The following ZNF662 variants were observed in gnomAD, a reference collection of about 807,000 sequenced individuals.
ZNF662 encodes zinc finger protein 662.
In ZNF662, 14 loss-of-function variants were observed where a neutral mutation model predicts 12.4. The ratio of observed to expected loss-of-function variants is 1.13; its 90% CI spans 0.75 to 1.77. The LOEUF (loss-of-function observed/expected upper bound fraction) is 1.77, where lower values mean the gene tolerates loss of function less well. Among genes scored for constraint, ZNF662 ranks in the 40% most tolerant of loss-of-function variants. The pLI, the probability that ZNF662 is intolerant of heterozygous loss-of-function variation, is 0.00. For synonymous variants in ZNF662, 184 were observed against 176.4 expected (o/e 1.04, Z -0.34); for missense variants, 550 against 515.6 (o/e 1.07, Z -0.65).
rs1474363688 is a variant in ZNF662 at position 42,906,654 on chromosome 3, A to G, written c.-94+486A>G. 6.6e-6 allele frequency among the ~76,000 whole-genome samples: 1 copy of G among 152,190 alleles called. No individual in the cohort carries two copies. The highest frequency in any genetic ancestry group is 1.9e-4 in the East Asian group (1 of 5,192). ...GGGGTTGAGCCGACTGCTGGGGCAG[A>G]GCGCACAGAGTGCTGTCGGGGGCGA... On this transcript the variant is annotated intron_variant, in intron 1 of 4. Coordinates refer to ENST00000440367, the MANE Select transcript of ZNF662 (RefSeq NM_207404.4). This position sits in a 1 kb window ranked among gnomAD's most constrained non-coding sequence, Gnocchi z 4.4.
Position 42,913,281 on chromosome 3 carries a change from G to A in ZNF662, c.232G>A (p.Gly78Ser), listed in dbSNP as rs747441403. The A allele has an allele frequency of 1.7e-5, 27 of 1,613,746 alleles. No individual in the cohort carries two copies. In the South Asian group the frequency reaches 3.0e-4, roughly 18 times the overall value. ...ATTAAACCTGAAACTGCAAGGAGAG[G>A]GTCCAAGCCTGATTTGTCCGGGTAA... ...EPLNLKLQGE[G>S]PSLICPEGVL... is the part of the protein sequence containing the mutation. The change falls in exon 4 of 5, where the codon GGT (glycine) becomes AGT (serine). Residue 78 changes from glycine to serine, a missense_variant. Transcript: ENST00000440367.
chr3:42,912,747 A>ATATTTTTTATATATATAAATATATATATT (rs2088844604), intron 3 of ZNF662, among the ~76,000 whole-genome samples: 1 of 117,896 alleles, frequency 8.5e-6, no homozygotes, highest in African/African-American at 3.3e-5. Context: ...ATATATATAT[A>ATATTTTTTATATATATAAATATATATATT]TATATTTTTT....
rs939598853 is a variant in ZNF662, at chr3:42,906,269, A to G, written c.-94+101A>G. 1.5e-6 allele frequency: 2 copies of G among 1,314,586 alleles called. No homozygotes were observed. Among genetic ancestry groups the G allele is most frequent in the Non-Finnish European group, 2.1e-6 (2 of 970,956 alleles). 81.4% of individuals were successfully genotyped at this position (1,314,586 alleles called of 1,614,324 possible). ...CAGGGTAGCCGTGTCAGGCCTGCCC[A>G]GGTGCAGAGCGCTCTTCCGCGACCC... On this transcript the variant is annotated intron_variant, in intron 1 of 4. Transcript: ENST00000440367. The surrounding 1 kb of genome is among the most constrained non-coding windows in gnomAD (Gnocchi z 4.4).
At position 42,906,392 on chromosome 3, in the gene ZNF662, T is replaced by C; in HGVS notation, c.-94+224T>C. The C allele has an allele frequency of 1.3e-6, 2 of 1,520,654 alleles. No homozygotes were observed. The highest frequency in any genetic ancestry group is 1.8e-6 in the Non-Finnish European group (2 of 1,138,992). 94.2% of individuals were successfully genotyped at this position (1,520,654 alleles called of 1,614,324 possible). The stretch of plus-strand genomic sequence containing the variant: ...CTGGCGAGCGGGACACGCCTCGGCC[T>C]TGTCCTCGAGCTGCTCCCGGGACAG... On this transcript the variant is annotated intron_variant, in intron 1 of 4. Coordinates refer to ENST00000440367, the MANE Select transcript of ZNF662 (RefSeq NM_207404.4). The surrounding 1 kb of genome is among the most constrained non-coding windows in gnomAD (Gnocchi z 4.4).
intron 3 of ZNF662, among the ~76,000 whole-genome samples, chr3:42,909,484 C>A (rs1377088299): frequency 6.6e-6 from 1 of 152,202 alleles, no homozygotes; most frequent in Admixed American, 6.5e-5. Flanking sequence ...GACACAGTAA[C>A]AATCTGATCT....
At position 42,906,660 on chromosome 3, in the gene ZNF662, C is replaced by G. The variant is rs2088684117; in HGVS notation, c.-94+492C>G. On this transcript the variant is annotated intron_variant, in intron 1 of 4. Transcript: ENST00000440367. This position sits in a 1 kb window ranked among gnomAD's most constrained non-coding sequence, Gnocchi z 4.4. ...GAGCCGACTGCTGGGGCAGAGCGCA[C>G]AGAGTGCTGTCGGGGGCGATGAATG... Among the ~76,000 whole-genome samples the G allele has an allele frequency of 6.6e-6, 1 of 151,822 alleles. No individual in the cohort carries two copies. Among genetic ancestry groups the G allele is most frequent in the African/African-American group, 2.4e-5 (1 of 41,422 alleles).
rs1372494701 is a variant in ZNF662 at position 42,906,321 on chromosome 3, G to A, written c.-94+153G>A. ...AACAGCCTCTGGTCCGGTCTGGCGC[G>A]CCCTCGCTTTCCCAGAGGGCGACCT... is the stretch of plus-strand genomic sequence containing the variant. On this transcript the variant is annotated intron_variant, in intron 1 of 4. Coordinates refer to ENST00000440367, the MANE Select transcript of ZNF662 (RefSeq NM_207404.4). This position sits in a 1 kb window ranked among gnomAD's most constrained non-coding sequence, Gnocchi z 4.4. The A allele has an allele frequency of 1.3e-6, 2 of 1,525,640 alleles. No individual in the cohort carries two copies. The highest frequency in any genetic ancestry group is 8.8e-7 in the Non-Finnish European group (1 of 1,140,904). 94.5% of individuals were successfully genotyped at this position (1,525,640 alleles called of 1,614,324 possible). A position where few individuals can be genotyped will look rare whatever the true frequency, so the allele number is the denominator to read the frequency against.
Position 42,906,967 on chromosome 3 carries a change from CTA to C in ZNF662, c.-94+801_-94+802del, listed in dbSNP as rs2088691877. 6.6e-6 allele frequency among the ~76,000 whole-genome samples: 1 copy of C among 152,108 alleles called. No individual in the cohort carries two copies. Among genetic ancestry groups the C allele is most frequent in the Non-Finnish European group, 1.5e-5 (1 of 68,018 alleles). On this transcript the variant is annotated intron_variant, in intron 1 of 4. Transcript: ENST00000440367. The surrounding 1 kb of genome is among the most constrained non-coding windows in gnomAD (Gnocchi z 4.4). ...TCTGTAGTGCAGAGGAATGTGGACT[CTA>C]TTAGGCAGACAAAGTTGAGCCAGCC...
intron 3 of ZNF662, 77 bp from the exon 4 acceptor site, chr3:42,913,124 C>A: frequency 1.9e-6 from 2 of 1,029,806 alleles, no homozygotes; most frequent in Non-Finnish European, 3.0e-6. Context: ...CTCCCTACCA[C>A]TTCCATGTCT....
In ZNF662 at chr3:42,917,684, A is replaced by G. The variant is rs2088908626; in HGVS notation, c.*2330A>G. The G allele has an allele frequency of 1.6e-6, 1 of 636,066 alleles. No individual in the cohort carries two copies. The highest frequency in any genetic ancestry group is 1.8e-5 in the African/African-American group (1 of 54,450). 39.4% of individuals were successfully genotyped at this position (636,066 alleles called of 1,614,324 possible). A position where few individuals can be genotyped will look rare whatever the true frequency, so the allele number is the denominator to read the frequency against. ...TGTTATTTGCAACTTAGCCACACTA[A>G]TACTGTTTTGTGTTTGAAATCACTG... On this transcript the variant is annotated 3_prime_UTR_variant, in exon 5 of 5. Coordinates refer to ENST00000440367, the MANE Select transcript of ZNF662 (RefSeq NM_207404.4).
chr3:42,908,429 G>A, intron 2 of ZNF662: 2 of 1,264,772 alleles, frequency 1.6e-6, no homozygotes, highest in Non-Finnish European at 2.0e-6. Context: ...GCTCCACTGA[G>A]CCTTCAGTTC....
rs1050459173 is a variant in ZNF662 at position 42,917,120 on chromosome 3, C to T, written c.*1766C>T. Reference sequence around the variant, plus strand: ...AGTTTTATAAAACAACATTTTTAGACGTGGTCATCTTTTATTGGTTTCCAT... The same window carrying T: ...AGTTTTATAAAACAACATTTTTAGATGTGGTCATCTTTTATTGGTTTCCAT... On this transcript the variant is annotated 3_prime_UTR_variant, in exon 5 of 5. Transcript: ENST00000440367. The T allele has an allele frequency of 4.8e-5, 10 of 208,742 alleles. No individual in the cohort carries two copies. Among genetic ancestry groups the T allele is most frequent in the Admixed American group, 1.2e-4 (2 of 17,118 alleles). 12.9% of individuals were successfully genotyped at this position (208,742 alleles called of 1,614,324 possible).
chr3:42,914,557 G>C lies in ZNF662; in HGVS notation c.484G>C (p.Glu162Gln), dbSNP rs1183616393. 2 of 1,614,174 alleles carry C rather than the reference G, an allele frequency of 1.2e-6. No homozygotes were observed. The highest frequency in any genetic ancestry group is 1.7e-6 in the Non-Finnish European group (2 of 1,180,028). The part of the protein sequence containing the change: ...NDIIEVIVKD[E>Q]MISVEESSGN... ...TATTATAGAAGTGATTGTCAAGGATGAGATGATCTCAGTAGAAGAGAGTTC... is the reference window on the plus strand; with the variant it reads ...TATTATAGAAGTGATTGTCAAGGATCAGATGATCTCAGTAGAAGAGAGTTC... Residue 162 changes from glutamate (E) to glutamine (Q), a missense_variant, in exon 5 of 5, where the codon GAG becomes CAG. Physicochemically the swap from Glu to Gln is conservative, Grantham distance 29 (BLOSUM62 2). Coordinates refer to ENST00000440367, the MANE Select transcript of ZNF662 (RefSeq NM_207404.4).
At position 42,919,176 on chromosome 3, in the gene ZNF662, A is replaced by G. The variant is rs983932574; in HGVS notation, c.*3822A>G. Among the ~76,000 whole-genome samples the G allele has an allele frequency of 5.9e-5, 9 of 152,184 alleles. No individual in the cohort carries two copies. Among genetic ancestry groups the G allele is most frequent in the African/African-American group, 2.2e-4 (9 of 41,442 alleles). ...TTGGTTCACAGGAATAAGCAGTGTTAGTTTAAAATGTGGGCAAAAACTTAA... is the reference window on the plus strand; with the variant it reads ...TTGGTTCACAGGAATAAGCAGTGTTGGTTTAAAATGTGGGCAAAAACTTAA... On this transcript the variant is annotated 3_prime_UTR_variant, in exon 5 of 5. Coordinates refer to ENST00000440367, the MANE Select transcript of ZNF662 (RefSeq NM_207404.4).
chr3:42,911,409 C>T (rs933932659), intron 3 of ZNF662, among the ~76,000 whole-genome samples: 3 of 152,176 alleles, frequency 2.0e-5, no homozygotes, highest in African/African-American at 7.2e-5. Context: ...ACCACAGCGT[C>T]TTCTGCATTC....
chr3:42,912,449 A>G, intron 3 of ZNF662, among the ~76,000 whole-genome samples: 1 of 87,652 alleles, frequency 1.1e-5, no homozygotes, highest in East Asian at 3.5e-4. Flanking sequence ...TTTGTATATT[A>G]TATATTATAT....
At chr3:42,909,935 A>T (rs2088756462) in intron 3 of ZNF662, among the ~76,000 whole-genome samples, 1 of 152,012 alleles carries the variant, frequency 6.6e-6, no homozygotes, top group Non-Finnish European at 1.5e-5. Flanking sequence ...GACGCTCCTC[A>T]CTTCCTAGAC....
Position 42,914,794 on chromosome 3 carries a change from A to G in ZNF662, c.721A>G (p.Ile241Val). Reference sequence around the variant, plus strand: ...ATCACATTGCATTGCACATCAGAGAATTCACAGTGGGGTGAAACCCTATGA... The same window carrying G: ...ATCACATTGCATTGCACATCAGAGAGTTCACAGTGGGGTGAAACCCTATGA... ...FRSHCIAHQR[I>V]HSGVKPYECQ... Residue 241 changes from isoleucine to valine, a missense_variant, in exon 5 of 5, where the codon ATT becomes GTT. Ile to Val is a conservative substitution (Grantham distance 29). Coordinates refer to ENST00000440367, the MANE Select transcript of ZNF662 (RefSeq NM_207404.4). 6 of 1,613,994 alleles carry G rather than the reference A, an allele frequency of 3.7e-6. No homozygotes were observed. The highest frequency in any genetic ancestry group is 5.1e-6 in the Non-Finnish European group (6 of 1,179,958).
rs1365795790 is a variant in ZNF662 at position 42,919,147 on chromosome 3, C to T, written c.*3793C>T. 6.6e-6 allele frequency among the ~76,000 whole-genome samples: 1 copy of T among 152,150 alleles called. No homozygotes were observed. The highest frequency in any genetic ancestry group is 1.9e-4 in the East Asian group (1 of 5,200). ...GCTTCTGAGCTGCAGCCAGAGATTGCTGGTTGGTTCACAGGAATAAGCAGT... is the reference window on the plus strand; with the variant it reads ...GCTTCTGAGCTGCAGCCAGAGATTGTTGGTTGGTTCACAGGAATAAGCAGT... On this transcript the variant is annotated 3_prime_UTR_variant, in exon 5 of 5. Coordinates refer to ENST00000440367, the MANE Select transcript of ZNF662 (RefSeq NM_207404.4).
Sources: gnomAD v4.1 joint callset for allele counts (sites outside exome capture counted in the v4.1 genomes callset) on GRCh38, gnomAD v4.1.1 for gene constraint, Gnocchi (gnomAD v3.1) non-coding constraint, MANE v1.5 for transcripts, NCBI Gene and HGNC (gene_info 2026-07-23, HGNC 2026-07-21) for gene names.